FAAP20: variants seen among roughly 807,000 people sequenced by gnomAD.
The protein encoded by FAAP20 is FA core complex associated protein 20, also known as Fanconi anemia core complex-associated protein 20.
In FAAP20, 12 loss-of-function variants were observed where a neutral mutation model predicts 16.2. The ratio of observed to expected loss-of-function variants is 0.74; its 90% CI spans 0.48 to 1.20. The LOEUF (loss-of-function observed/expected upper bound fraction) is 1.20. FAAP20 is among the 50% of genes most tolerant of loss of function. FAAP20 has a pLI of 0.00. For missense variants in FAAP20, 288 were observed against 245.8 expected (o/e 1.17, Z -1.15); for synonymous variants, 141 against 110.7 (o/e 1.27, Z -1.72).
At chr1:2,197,504 CAG>C (rs1055506347), upstream of FAAP20, among the ~76,000 whole-genome samples, 1 of 152,210 alleles carries the variant, frequency 6.6e-6, no homozygotes, top group African/African-American at 2.4e-5. Flanking sequence ...AGCCTGGCTC[CAG>C]CCCGCATCAC....
At chr1:2,184,642 G>A (rs1350192055), downstream of FAAP20, 2 of 1,613,970 alleles carry the variant, frequency 1.2e-6, no homozygotes, top group South Asian at 1.1e-5. Flanking sequence ...ACTACGGTCT[G>A]GACAACTTTG....
At position 2,194,149 on chromosome 1, in the gene FAAP20, A is replaced by G; in HGVS notation, c.63-16T>C. On this transcript the variant is annotated splice_polypyrimidine_tract_variant and intron_variant, in intron 1 of 3. Coordinates refer to ENST00000378546, the MANE Select transcript of FAAP20 (RefSeq NM_182533.4). ...GCCAGAAGGCCTGGGGCAGACAGAG[A>G]GGGCAGACAGGGGGTACTCAGTAGC... is the stretch of plus-strand genomic sequence containing the variant. 1 of 1,610,466 alleles carries G rather than the reference A, an allele frequency of 6.2e-7. No individual in the cohort carries two copies.
At chr1:2,192,696 C>T in intron 3 of FAAP20, 4 of 1,189,324 alleles carry the variant, frequency 3.4e-6, no homozygotes, top group Non-Finnish European at 4.3e-6. Flanking sequence ...TCACTACAGC[C>T]TCCAATTCCT....
chr1:2,193,935 T>C, intron 2 of FAAP20, 25 bp from the exon 3 acceptor site: 4 of 1,612,298 alleles, frequency 2.5e-6, no homozygotes, highest in Non-Finnish European at 3.4e-6. Context: ...TGTTGGGCCT[T>C]GCCCAGCGAT....
rs989759644 is a variant in FAAP20, at chr1:2,189,711, A to G, written c.541T>C (p.Ter181ArgextTer52). ...LAESTEDVTW[*>R] ...TGCGCAGGGCTCTTGGATGGCGCTCACCACGTCACGTCTTCTGTGCTTTCG... is the reference window on the plus strand; with the variant it reads ...TGCGCAGGGCTCTTGGATGGCGCTCGCCACGTCACGTCTTCTGTGCTTTCG... The change falls in exon 4 of 4, where the codon TGA becomes CGA. Residue 181 changes from the stop codon to arginine (R), a stop_lost. Transcript: ENST00000378546. The G allele has an allele frequency of 2.5e-6, 4 of 1,608,936 alleles. No individual in the cohort carries two copies. Among genetic ancestry groups the G allele is most frequent in the Non-Finnish European group, 3.4e-6 (4 of 1,177,350 alleles).
chr1:2,195,639 C>T (rs1688785521), upstream of FAAP20, among the ~76,000 whole-genome samples: 1 of 152,226 alleles, frequency 6.6e-6, no homozygotes, highest in Non-Finnish European at 1.5e-5. Context: ...CTACCCCTCA[C>T]CTGGCCCCTC....
chr1:2,195,651 C>T (rs777079175), upstream of FAAP20, among the ~76,000 whole-genome samples: 2 of 152,236 alleles, frequency 1.3e-5, no homozygotes, highest in Non-Finnish European at 2.9e-5. Flanking sequence ...TGGCCCCTCC[C>T]AGCCCCCAGT....
At chr1:2,207,223 G>A (rs769287849), downstream of FAAP20, among the ~76,000 whole-genome samples, 3 of 152,186 alleles carry the variant, frequency 2.0e-5, no homozygotes, top group Admixed American at 2.0e-4. Flanking sequence ...GGTGGGGGCA[G>A]AGCTGGGCAG....
intron 3 of FAAP20, chr1:2,190,567 G>A: frequency 2.7e-6 from 1 of 372,160 alleles, no homozygotes; most frequent in Non-Finnish European, 5.4e-6. Flanking sequence ...GGCCCTGGAA[G>A]CCAGGACAGT....
At chr1:2,188,817 A>G (rs1172908602), downstream of FAAP20, among the ~76,000 whole-genome samples, 2 of 151,566 alleles carry the variant, frequency 1.3e-5, no homozygotes, top group East Asian at 3.9e-4. Flanking sequence ...CATCCTGGCT[A>G]ACACGGTGAA....
chr1:2,191,877 CT>C (rs1402508072), intron 3 of FAAP20: 1 of 985,388 alleles, frequency 1.0e-6, no homozygotes, highest in Admixed American at 6.1e-5. Context: ...CCGCAGGTGT[CT>C]GAAAATGCAC....
At chr1:2,187,674 A>G (rs972486111), downstream of FAAP20, among the ~76,000 whole-genome samples, 2 of 152,236 alleles carry the variant, frequency 1.3e-5, no homozygotes, top group African/African-American at 4.8e-5. Flanking sequence ...CAGAAGGTGC[A>G]GCCAAGTCCC....
At chr1:2,194,401 G>A (rs914420103) in intron 1 of FAAP20, among the ~76,000 whole-genome samples, 2 of 146,156 alleles carry the variant, frequency 1.4e-5, no homozygotes, top group Admixed American at 6.7e-5. Context: ...GGGAGATTGC[G>A]GAGGGCCTGG....
At position 2,194,696 on chromosome 1, in the gene FAAP20, C is replaced by G. The variant is rs2100702016; in HGVS notation, c.54G>C (p.Pro18=). The change falls in exon 1 of 4, where the codon CCG becomes CCC. Residue 18 remains proline (P), a synonymous_variant. Coordinates refer to ENST00000378546, the MANE Select transcript of FAAP20 (RefSeq NM_182533.4). ...CCGGCTCCCGGCCTCACCCGCCCGCCGGGCGCGGCCTCCGGCGGCTCAACC... is the reference window on the plus strand; with the variant it reads ...CCGGCTCCCGGCCTCACCCGCCCGCGGGGCGCGGCCTCCGGCGGCTCAACC... The part of the protein sequence containing the change: ...RLGLSRRRPR[P]AGGPSGGRPW... 1 of 1,161,480 alleles carries G rather than the reference C, an allele frequency of 8.6e-7. No homozygotes were observed. Among genetic ancestry groups the G allele is most frequent in the South Asian group, 4.1e-5 (1 of 24,350 alleles). 71.9% of individuals were successfully genotyped at this position (1,161,480 alleles called of 1,614,324 possible).
chr1:2,205,476 G>A (rs934851889), intron 3 of FAAP20, among the ~76,000 whole-genome samples: 1 of 151,678 alleles, frequency 6.6e-6, no homozygotes, highest in Non-Finnish European at 1.5e-5. Flanking sequence ...AGCCCGGCGC[G>A]CGCCGCTCGT....
upstream of FAAP20, chr1:2,200,227 CT>C (rs1439313115): frequency 6.6e-6 from 1 of 151,444 alleles, no homozygotes; most frequent in African/African-American, 2.4e-5. Flanking sequence ...GAAACCCCAT[CT>C]CTACTAAAGA....
chr1:2,187,530 C>T (rs897192213), downstream of FAAP20, among the ~76,000 whole-genome samples: 1 of 152,132 alleles, frequency 6.6e-6, no homozygotes, highest in African/African-American at 2.4e-5. Flanking sequence ...TCTTGAACTC[C>T]TGACCTCAGG....
At chr1:2,205,519 G>A (rs941176530) in intron 3 of FAAP20, among the ~76,000 whole-genome samples, 10 of 152,016 alleles carry the variant, frequency 6.6e-5, no homozygotes, top group African/African-American at 2.2e-4. Context: ...CGCTTCCGGG[G>A]CGGCCGTGCA....
downstream of FAAP20, among the ~76,000 whole-genome samples, chr1:2,211,899 G>GCTT (rs1689457968): frequency 1.0e-5 from 1 of 97,912 alleles, no homozygotes; most frequent in African/African-American, 5.7e-5. Flanking sequence ...GCAAGCTGCT[G>GCTT]CTTTTTTTTT....
Sources: allele counts gnomAD v4.1 joint callset (sites outside exome capture counted in the v4.1 genomes callset), GRCh38; gene constraint gnomAD v4.1.1; transcripts MANE v1.5; gene names NCBI Gene and HGNC (gene_info 2026-07-23, HGNC 2026-07-21).